GPHN: variants seen among roughly 807,000 people sequenced by gnomAD.
GPHN encodes the protein gephyrin.
A neutral mutation model predicts 95.5 loss-of-function variants in GPHN; 17 were observed. That is an observed-to-expected ratio of 0.18 (90% confidence interval 0.12 to 0.27). The LOEUF (loss-of-function observed/expected upper bound fraction) is 0.27, where lower values mean the gene tolerates loss of function less well. GPHN is among the 10% of genes least tolerant of loss of function. GPHN has a pLI of 1.00. For synonymous variants in GPHN, 320 were observed against 322.5 expected, an observed-to-expected ratio of 0.99 and a Z score of 0.08; for missense variants, 660 against 978.1, an observed-to-expected ratio of 0.67 and a Z score of 4.34.
chr14:66,571,302 C>A (rs922671687), intron 1 of GPHN, among the ~76,000 whole-genome samples: 3 of 152,106 alleles, frequency 2.0e-5, no homozygotes. Context: ...GAAAACTGCC[C>A]TCGTGATCCA....
chr14:66,663,700 A>G (rs1213877478), intron 1 of GPHN, among the ~76,000 whole-genome samples: 1 of 152,228 alleles, frequency 6.6e-6, no homozygotes, highest in African/African-American at 2.4e-5. Flanking sequence ...CAGCTGGATA[A>G]AGAAACAAGA....
the GPHN span, among the ~76,000 whole-genome samples, chr14:67,468,758 G>C: frequency 6.6e-6 from 1 of 152,142 alleles, no homozygotes; most frequent in African/African-American, 2.4e-5. Flanking sequence ...AGCCGGGCCT[G>C]GTGGCATGCA....
At chr14:67,440,656 G>A in the GPHN span, among the ~76,000 whole-genome samples, 1 of 152,026 alleles carries the variant, frequency 6.6e-6, no homozygotes, top group South Asian at 2.1e-4. Flanking sequence ...GGTGGCTGAG[G>A]CACGAGAATC....
intron 10 of GPHN, 140 bp from the exon 11 acceptor site, chr14:67,058,509 G>A (rs1280637100): frequency 1.3e-6 from 1 of 744,072 alleles, no homozygotes; most frequent in South Asian, 1.5e-5. Context: ...GCTGTATTTT[G>A]GAGGCAGGAG....
At chr14:67,111,145 T>C (rs552391979) in intron 14 of GPHN, among the ~76,000 whole-genome samples, 19 of 152,356 alleles carry the variant, frequency 1.2e-4, no homozygotes, top group Admixed American at 2.6e-4. Flanking sequence ...CTGGAGATTT[T>C]CTTTTTAATC....
the GPHN span, chr14:67,334,309 G>A: frequency 6.6e-6 from 1 of 152,508 alleles, no homozygotes; most frequent in African/African-American, 2.4e-5. Flanking sequence ...GTATATAATT[G>A]GCATGGAAAC....
At chr14:67,733,952 C>T in the GPHN span, 1 of 780,116 alleles carries the variant, frequency 1.3e-6, no homozygotes, top group South Asian at 1.4e-5. Flanking sequence ...CCAGCTGGTG[C>T]TGCGAATCCT....
chr14:67,379,816 G>C, the GPHN span, among the ~76,000 whole-genome samples: 1 of 150,448 alleles, frequency 6.6e-6, no homozygotes, highest in South Asian at 2.1e-4. Context: ...CACTACGCCC[G>C]GCTAATTTTT....
intron 1 of GPHN, among the ~76,000 whole-genome samples, chr14:66,602,346 T>C (rs2062292742): frequency 6.6e-6 from 1 of 151,962 alleles, no homozygotes; most frequent in African/African-American, 2.4e-5. Context: ...TTCACACCAT[T>C]GGCCTGCTTT....
the GPHN span, among the ~76,000 whole-genome samples, chr14:67,249,737 T>G: frequency 0.048 from 7,269 of 152,324 alleles, 193 homozygotes; most frequent in Middle Eastern, 0.054. Flanking sequence ...CATTATATTT[T>G]GAGAGTTTTA....
the GPHN span, among the ~76,000 whole-genome samples, chr14:67,476,519 G>A: frequency 3.3e-4 from 50 of 152,080 alleles, no homozygotes; most frequent in East Asian, 1.9e-4. Flanking sequence ...CCCAGGAGGC[G>A]GAGGTTGCAG....
At chr14:67,366,962 G>A in the GPHN span, among the ~76,000 whole-genome samples, 6 of 152,072 alleles carry the variant, frequency 3.9e-5, no homozygotes, top group Admixed American at 6.5e-5. Flanking sequence ...AACTGGAGGC[G>A]AGAGTTGTAG....
At chr14:67,392,360 C>T in the GPHN span, 1 of 1,613,356 alleles carries the variant, frequency 6.2e-7, no homozygotes, top group Non-Finnish European at 8.5e-7. Context: ...CACCACCGTG[C>T]CACTTAACTC....
chr14:67,401,389 G>A, the GPHN span, among the ~76,000 whole-genome samples: 1 of 152,154 alleles, frequency 6.6e-6, no homozygotes, highest in Non-Finnish European at 1.5e-5. Flanking sequence ...GCACGTGCCT[G>A]TAGTCCAAGC....
chr14:67,193,279 T>A, the GPHN span, among the ~76,000 whole-genome samples: 2 of 138,786 alleles, frequency 1.4e-5, no homozygotes, highest in Non-Finnish European at 3.1e-5. Flanking sequence ...TATCTATATA[T>A]CTCTATATAG....
Position 66,873,512 on chromosome 14 carries a change from G to A in GPHN, c.295-6427G>A, listed in dbSNP as rs149304165. Among the ~76,000 whole-genome samples the A allele has an allele frequency of 2.5e-3, 379 of 152,316 alleles. 9 individuals are homozygous for A. Among genetic ancestry groups the A allele is most frequent in the East Asian group, 0.017 (90 of 5,178 alleles). On this transcript the variant is annotated intron_variant, in intron 4 of 22. Coordinates refer to ENST00000478722, the MANE Select transcript of GPHN (RefSeq NM_020806.5). ...GAACCCAGCAAGCTAAGATCCACTG[G>A]TGTGAAATTCTCATTGCCAGCACAG...
At chr14:66,602,577 A>G (rs1465230070) in intron 1 of GPHN, among the ~76,000 whole-genome samples, 1 of 152,000 alleles carries the variant, frequency 6.6e-6, no homozygotes, top group African/African-American at 2.4e-5. Context: ...ATTTTTCATC[A>G]GTTACTTAGA....
At chr14:67,563,094 G>C in the GPHN span, among the ~76,000 whole-genome samples, 31 of 152,358 alleles carry the variant, frequency 2.0e-4, no homozygotes, top group Admixed American at 8.5e-4. Context: ...GTGAATGGCG[G>C]TTGGCTGTCA....
chr14:67,537,346 A>AAAT, the GPHN span, among the ~76,000 whole-genome samples: 2,534 of 126,570 alleles, frequency 0.02, 72 homozygotes, highest in African/African-American at 0.051. Context: ...TCCATCTCAA[A>AAAT]AATAATAATA....
Sources: gnomAD v4.1 joint callset for allele counts (sites outside exome capture counted in the v4.1 genomes callset) on GRCh38, gnomAD v4.1.1 for gene constraint, MANE v1.5 for transcripts, NCBI Gene and HGNC (gene_info 2026-07-23, HGNC 2026-07-21) for gene names.